The following PCDH15 variants were observed in gnomAD, a reference collection of about 807,000 sequenced individuals.
The protein encoded by PCDH15 is protocadherin related 15.
In PCDH15, 129 loss-of-function variants were observed where a neutral mutation model predicts 178.5. The ratio of observed to expected loss-of-function variants is 0.72; its 90% confidence interval spans 0.63 to 0.84. The LOEUF is 0.84. Ranked by LOEUF, PCDH15 falls within the 40% of genes least tolerant of loss-of-function variation. PCDH15 has a pLI of 0.00. For synonymous variants in PCDH15, 800 were observed against 732.0 expected (o/e 1.09, Z -1.50); for missense variants, 2,230 against 2,099.9 (o/e 1.06, Z -1.21).
At chr10:54,413,708 TA>T (rs1277738197) in intron 3 of PCDH15, among the ~76,000 whole-genome samples, 4 of 152,150 alleles carry the variant, frequency 2.6e-5, no homozygotes, top group Non-Finnish European at 5.9e-5. Flanking sequence ...TTTCATCATT[TA>T]AAAAAATGAG....
At chr10:53,977,093 G>A (rs1481741246) in intron 21 of PCDH15, among the ~76,000 whole-genome samples, 2 of 151,920 alleles carry the variant, frequency 1.3e-5, no homozygotes, top group African/African-American at 4.8e-5. Context: ...CCTGATTTTA[G>A]TCAGTCTGGG....
chr10:55,528,972 G>A (rs975542645), intron 2 of PCDH15, among the ~76,000 whole-genome samples: 6 of 152,078 alleles, frequency 3.9e-5, no homozygotes, highest in Non-Finnish European at 5.9e-5. Context: ...TTTCTCTGAT[G>A]GCTAGTGATG....
At chr10:55,268,115 T>C (rs1342793782) in intron 1 of PCDH15, among the ~76,000 whole-genome samples, 1 of 152,218 alleles carries the variant, frequency 6.6e-6, no homozygotes, top group Non-Finnish European at 1.5e-5. Flanking sequence ...AAGTAATTAC[T>C]ACTTCTGTGC....
At chr10:54,202,321 G>A (rs1460621512) in intron 10 of PCDH15, among the ~76,000 whole-genome samples, 6 of 149,596 alleles carry the variant, frequency 4.0e-5, no homozygotes, top group African/African-American at 1.2e-4. Flanking sequence ...ATCTTAGGAA[G>A]AGAAAAAAAA....
At chr10:54,110,074 T>C (rs1300890631) in intron 15 of PCDH15, among the ~76,000 whole-genome samples, 5 of 152,058 alleles carry the variant, frequency 3.3e-5, no homozygotes, top group Non-Finnish European at 5.9e-5. Flanking sequence ...GTGTGAAGTG[T>C]TGGACTTTGA....
At chr10:54,370,183 C>A (rs1418375) in intron 4 of PCDH15, among the ~76,000 whole-genome samples, 95 of 152,014 alleles carry the variant, frequency 6.2e-4, no homozygotes, top group African/African-American at 2.2e-3. Flanking sequence ...ATATTTGACT[C>A]TAGAGTCAGA....
intron 2 of PCDH15, among the ~76,000 whole-genome samples, chr10:55,602,372 G>C (rs1425439956): frequency 7.2e-5 from 11 of 152,136 alleles, no homozygotes; most frequent in African/African-American, 2.4e-4. Flanking sequence ...AGCTCGAACT[G>C]GGTGGAGCCC....
intron 2 of PCDH15, among the ~76,000 whole-genome samples, chr10:55,437,591 T>C (rs892178307): frequency 2.0e-5 from 3 of 152,112 alleles, no homozygotes; most frequent in Non-Finnish European, 4.4e-5. Flanking sequence ...GAAAGCACTA[T>C]TCATTGAAGA....
chr10:54,034,272 C>A (rs79094665), intron 18 of PCDH15, among the ~76,000 whole-genome samples: 4,201 of 151,922 alleles, frequency 0.028, 195 homozygotes, highest in African/African-American at 0.097. Flanking sequence ...CCAAACAATA[C>A]CCATAAAATT....
intron 1 of PCDH15, among the ~76,000 whole-genome samples, chr10:54,785,982 A>T (rs974597458): frequency 6.6e-6 from 1 of 151,916 alleles, no homozygotes; most frequent in Non-Finnish European, 1.5e-5. Context: ...TGAAGTGTTT[A>T]TTTTGGATTC....
At chr10:54,478,324 A>G (rs541419110) in intron 3 of PCDH15, among the ~76,000 whole-genome samples, 1 of 152,280 alleles carries the variant, frequency 6.6e-6, no homozygotes, top group Non-Finnish European at 1.5e-5. Context: ...GAAAAAGTTT[A>G]CTAAAACAGG....
intron 37 of PCDH15, 146 bp downstream of exon 37, chr10:53,810,410 G>T (rs1158564832): frequency 3.0e-6 from 2 of 674,374 alleles, no homozygotes; most frequent in Non-Finnish European, 2.6e-6. Flanking sequence ...CAATGAAACG[G>T]TCAGCACTGT....
intron 15 of PCDH15, among the ~76,000 whole-genome samples, chr10:54,117,246 A>T (rs770687417): frequency 3.3e-5 from 5 of 150,658 alleles, no homozygotes; most frequent in Non-Finnish European, 7.4e-5. Flanking sequence ...GGCTGCTACA[A>T]GAGGGCAGGC....
chr10:54,806,862 C>T (rs1312139850), intron 3 of PCDH15, among the ~76,000 whole-genome samples: 7 of 152,150 alleles, frequency 4.6e-5, no homozygotes, highest in African/African-American at 1.7e-4. Flanking sequence ...TTCCTTATGC[C>T]ACATGACCTC....
At chr10:54,667,891 G>C (rs2094597283) in intron 1 of PCDH15, among the ~76,000 whole-genome samples, 1 of 152,004 alleles carries the variant, frequency 6.6e-6, no homozygotes, top group Non-Finnish European at 1.5e-5. Flanking sequence ...CTTAGAAATA[G>C]TATTCTGTTG....
chr10:54,959,459 G>A (rs1308345220), intron 2 of PCDH15, among the ~76,000 whole-genome samples: 2 of 151,874 alleles, frequency 1.3e-5, no homozygotes, highest in Admixed American at 6.6e-5. Context: ...TATTAATTTT[G>A]GGGAACAGGA....
chr10:54,499,313 C>A (rs181948212), intron 3 of PCDH15, among the ~76,000 whole-genome samples: 8 of 152,146 alleles, frequency 5.3e-5, no homozygotes, highest in Middle Eastern at 3.4e-3. Context: ...AACACTTGAC[C>A]AAATGCACCT....
At chr10:54,661,090 A>G (rs1469208134) in intron 2 of PCDH15, among the ~76,000 whole-genome samples, 2 of 152,096 alleles carry the variant, frequency 1.3e-5, no homozygotes, top group African/African-American at 4.8e-5. Flanking sequence ...CCATATTGAA[A>G]AAGAGGAAGT....
intron 2 of PCDH15, among the ~76,000 whole-genome samples, chr10:55,341,314 T>A (rs897198437): frequency 5.3e-5 from 8 of 152,076 alleles, no homozygotes; most frequent in Non-Finnish European, 8.8e-5. Context: ...ATATCATTTA[T>A]GAAAAAAGTC....
Sources: allele counts gnomAD v4.1 joint callset (sites outside exome capture counted in the v4.1 genomes callset), GRCh38; gene constraint gnomAD v4.1.1; transcripts MANE v1.5; gene names NCBI Gene and HGNC (gene_info 2026-07-23, HGNC 2026-07-21).